EML5: variants seen among roughly 807,000 people sequenced by gnomAD.
The protein encoded by EML5 is echinoderm microtubule-associated protein-like 5.
EML5 carries 120 observed loss-of-function variants against 250.0 expected under a neutral mutation model. The observed-to-expected ratio is 0.48, with a 90% confidence interval of 0.41 to 0.56. The LOEUF is 0.56. Among genes scored for constraint, EML5 ranks in the 20% least tolerant of loss-of-function variants. The pLI is 0.00. For synonymous variants in EML5, 771 were observed against 806.5 expected (o/e 0.96, Z 0.75); for missense variants, 2,006 against 2,437.6 (o/e 0.82, Z 3.73).
In EML5 at chr14:88,696,969, G is replaced by A. The variant is rs755384492; in HGVS notation, c.2239-17C>T. 6.8e-7 allele frequency: 1 copy of A among 1,475,330 alleles called. No individual in the cohort carries two copies. Among genetic ancestry groups the A allele is most frequent in the East Asian group, 2.3e-5 (1 of 42,872 alleles). 91.4% of individuals were successfully genotyped at this position (1,475,330 alleles called of 1,614,324 possible). A position where few individuals can be genotyped will look rare whatever the true frequency, so the allele number is the denominator to read the frequency against. On this transcript the variant is annotated splice_polypyrimidine_tract_variant and intron_variant, in intron 14 of 43. Transcript: ENST00000554922. ...TCTACCAACCTAAAATAGAATTATA[G>A]AAGCTATTAAATACAATTAAATTAT...
At chr14:88,715,329 G>T in intron 8 of EML5, 134 bp from the exon 9 acceptor site, 1 of 870,960 alleles carries the variant, frequency 1.1e-6, no homozygotes, top group Non-Finnish European at 1.7e-6. Flanking sequence ...AATAACACAA[G>T]TAGTATTAAT....
chr14:88,682,448 G>A (rs907936391), intron 20 of EML5, among the ~76,000 whole-genome samples: 4 of 151,032 alleles, frequency 2.6e-5, no homozygotes, highest in African/African-American at 9.7e-5. Context: ...TCTGAAAATA[G>A]TTCCAAGGAG....
intron 15 of EML5, among the ~76,000 whole-genome samples, chr14:88,696,026 G>A (rs751225574): frequency 6.6e-6 from 1 of 151,996 alleles, no homozygotes; most frequent in Non-Finnish European, 1.5e-5. Flanking sequence ...TAAAGGCTCA[G>A]ACCACAAGAA....
chr14:88,775,310 C>T (rs2094436424), intron 1 of EML5, among the ~76,000 whole-genome samples: 1 of 152,180 alleles, frequency 6.6e-6, no homozygotes, highest in Non-Finnish European at 1.5e-5. Flanking sequence ...CAAGTGGGAT[C>T]TTTGGGTCCC....
intron 33 of EML5, 134 bp downstream of exon 33, chr14:88,634,333 AAC>A: frequency 1.7e-6 from 1 of 573,566 alleles, no homozygotes; most frequent in South Asian, 2.6e-5. Flanking sequence ...GAGCCAATTA[AAC>A]ACATTTTCTT....
intron 9 of EML5, among the ~76,000 whole-genome samples, 197 bp downstream of exon 9, chr14:88,714,742 A>G (rs1043833750): frequency 1.3e-4 from 20 of 152,244 alleles, no homozygotes; most frequent in African/African-American, 4.6e-4. Flanking sequence ...AGGCAGCCTT[A>G]TTGTATTATA....
chr14:88,632,348 CT>C (rs965561216), intron 33 of EML5, among the ~76,000 whole-genome samples: 4 of 152,198 alleles, frequency 2.6e-5, no homozygotes, highest in African/African-American at 9.6e-5. Context: ...CCTCTACATT[CT>C]CAATAATATA....
At chr14:88,729,320 A>G (rs958879274) in intron 7 of EML5, among the ~76,000 whole-genome samples, 1 of 152,122 alleles carries the variant, frequency 6.6e-6, no homozygotes, top group Non-Finnish European at 1.5e-5. Context: ...ATTAAATATG[A>G]TATTTGCTGG....
At chr14:88,732,371 G>C (rs1187016090) in intron 7 of EML5, among the ~76,000 whole-genome samples, 2 of 152,284 alleles carry the variant, frequency 1.3e-5, no homozygotes, top group East Asian at 3.9e-4. Flanking sequence ...AGATCAGACG[G>C]TTGTAGATGT....
At position 88,688,572 on chromosome 14, in the gene EML5, AG is replaced by A. The variant is rs148198482; in HGVS notation, c.2540-100del. On this transcript the variant is annotated intron_variant, in intron 17 of 43. Transcript: ENST00000554922. Reference sequence around the variant, plus strand: ...CTACTGTTGTTGTTGTTGTTTGAATAGTAAGGCATGCAACAGTAAGGAGAAT... The same window carrying A: ...CTACTGTTGTTGTTGTTGTTTGAATATAAGGCATGCAACAGTAAGGAGAAT... 3,344 of 1,215,986 alleles carry A rather than the reference AG, an allele frequency of 2.8e-3. 70 individuals are homozygous for A. The African/African-American group carries it at 0.043, about 16-fold the overall frequency. 75.3% of individuals were successfully genotyped at this position (1,215,986 alleles called of 1,614,324 possible).
At chr14:88,721,707 C>T (rs376716304) in intron 8 of EML5, among the ~76,000 whole-genome samples, 2 of 152,036 alleles carry the variant, frequency 1.3e-5, no homozygotes, top group African/African-American at 4.8e-5. Flanking sequence ...CATGGGCATG[C>T]GCAAAGATTT....
intron 42 of EML5, 130 bp from the exon 43 acceptor site, chr14:88,616,372 A>G: frequency 1.1e-6 from 1 of 887,858 alleles, no homozygotes; most frequent in African/African-American, 1.7e-5. Flanking sequence ...GCCAGTGATT[A>G]GAATGCTTTT....
chr14:88,722,619 G>A (rs2093607749), intron 8 of EML5, among the ~76,000 whole-genome samples: 1 of 152,090 alleles, frequency 6.6e-6, no homozygotes, highest in African/African-American at 2.4e-5. Flanking sequence ...TTGGGGGTGG[G>A]GTGAGGGGAG....
intron 1 of EML5, among the ~76,000 whole-genome samples, chr14:88,785,654 T>C (rs1949680274): frequency 6.6e-6 from 1 of 152,210 alleles, no homozygotes; most frequent in South Asian, 2.1e-4. Flanking sequence ...TCACAATTTA[T>C]ATGTGATCCA....
At chr14:88,708,806 T>C (rs1012491543) in intron 10 of EML5, among the ~76,000 whole-genome samples, 21 of 152,130 alleles carry the variant, frequency 1.4e-4, no homozygotes, top group Non-Finnish European at 1.9e-4. Flanking sequence ...AAGGTACCTT[T>C]TGATTATGAA....
intron 24 of EML5, among the ~76,000 whole-genome samples, chr14:88,662,346 T>C (rs1372523716): frequency 1.5e-5 from 2 of 137,798 alleles, no homozygotes; most frequent in Non-Finnish European, 3.0e-5. Flanking sequence ...CTTGTTTTTT[T>C]TTTTTTTTTT....
intron 39 of EML5, chr14:88,619,599 C>G (rs1289420830): frequency 6.6e-6 from 1 of 152,212 alleles, no homozygotes; most frequent in Non-Finnish European, 1.5e-5. Context: ...AAAACGTTGT[C>G]TTAATATTAA....
At chr14:88,737,085 C>A (rs1350537597) in intron 6 of EML5, among the ~76,000 whole-genome samples, 1 of 152,076 alleles carries the variant, frequency 6.6e-6, no homozygotes, top group Non-Finnish European at 1.5e-5. Context: ...TGCCAGCTGC[C>A]AGTATAACTT....
chr14:88,745,015 A>C (rs2093982782), intron 3 of EML5, among the ~76,000 whole-genome samples: 1 of 152,148 alleles, frequency 6.6e-6, no homozygotes, highest in Non-Finnish European at 1.5e-5. Context: ...ATACTTTCAA[A>C]AACTCCATTG....
Sources: gnomAD v4.1 joint callset for allele counts (sites outside exome capture counted in the v4.1 genomes callset) on GRCh38, gnomAD v4.1.1 for gene constraint, MANE v1.5 for transcripts, NCBI Gene and HGNC (gene_info 2026-07-23, HGNC 2026-07-21) for gene names.